Variants in IGFBP6 observed in about 807,000 individuals in gnomAD.
IGFBP6 encodes the protein insulin-like growth factor-binding protein 6.
IGFBP6 carries 24 observed loss-of-function variants against 24.5 expected under a neutral mutation model. That is an observed-to-expected ratio of 0.98 (90% CI 0.71 to 1.38). The LOEUF is 1.38. Ranked by LOEUF, IGFBP6 falls within the 40% of genes most tolerant of loss-of-function variation. The pLI is 0.00. For synonymous variants in IGFBP6, 147 were observed against 137.4 expected (o/e 1.07, Z -0.49); for missense variants, 331 against 324.8 (o/e 1.02, Z -0.15).
chr12:53,100,461 C>T (rs1937808765), intron 1 of IGFBP6, among the ~76,000 whole-genome samples: 1 of 152,256 alleles, frequency 6.6e-6, no homozygotes, highest in African/African-American at 2.4e-5. Context: ...TGCACCCATC[C>T]TCATTTTCCA....
chr12:53,098,102 A>G (rs954583319), intron 1 of IGFBP6, 51 bp downstream of exon 1: 51 of 1,390,156 alleles, frequency 3.7e-5, no homozygotes, highest in Non-Finnish European at 4.6e-5. Flanking sequence ...CGCGTCCTCC[A>G]GGCAGGGTCC....
Position 53,102,157 on chromosome 12 carries a change from G to A in IGFBP6, c.713G>A (p.Ser238Asn), listed in dbSNP as rs1389483514. Residue 238 changes from serine to asparagine, a missense_variant, in exon 4 of 4, where the codon AGT (serine) becomes AAT (asparagine). Coordinates refer to ENST00000301464, the MANE Select transcript of IGFBP6 (RefSeq NM_002178.3). The stretch of plus-strand genomic sequence containing the variant: ...GGAAGCTCCTCCTGCCCCACTGGGA[G>A]TAGCGGCTAAAGCTGGGGGATAGAG... ...GNGSSSCPTG[S>N]SG is the part of the protein sequence containing the mutation. 1.2e-6 allele frequency: 2 copies of A among 1,613,840 alleles called. No homozygotes were observed. The highest frequency in any genetic ancestry group is 1.3e-5 in the African/African-American group (1 of 74,918).
At chr12:53,098,341 A>AGTTCCTTGGGGAACTT (rs1216396851) in intron 1 of IGFBP6, among the ~76,000 whole-genome samples, 1 of 152,128 alleles carries the variant, frequency 6.6e-6, no homozygotes, top group Non-Finnish European at 1.5e-5. Context: ...TGGGGGAGGC[A>AGTTCCTTGGGGAACTT]GGGGGAGAAA....
chr12:53,101,984 C>T (rs977878047), intron 3 of IGFBP6, 61 bp from the exon 4 acceptor site: 3 of 1,551,288 alleles, frequency 1.9e-6, no homozygotes, highest in Non-Finnish European at 2.6e-6. Flanking sequence ...CAGATGTCCC[C>T]TCTCATTCTC....
Position 53,100,849 on chromosome 12 carries a change from A to G in IGFBP6, c.472A>G (p.Thr158Ala). The G allele has an allele frequency of 1.2e-6, 2 of 1,614,148 alleles. No individual in the cohort carries two copies. Among genetic ancestry groups the G allele is most frequent in the Non-Finnish European group, 1.7e-6 (2 of 1,180,028 alleles). Residue 158 changes from threonine to alanine, a missense_variant, in exon 2 of 4, where the codon ACT (threonine) becomes GCT (alanine). By Grantham distance (58) the Thr-to-Ala change is moderately conservative. Transcript: ENST00000301464. ...SQPNSAGVQD[T>A]EMGPCRRHLD... is the part of the protein sequence containing the mutation. ...GCCCAATTCTGCGGGTGTCCAAGACACTGAGATGGTGCGTTTGGAGCTGGT... is the reference window on the plus strand; with the variant it reads ...GCCCAATTCTGCGGGTGTCCAAGACGCTGAGATGGTGCGTTTGGAGCTGGT...
chr12:53,101,898 CAAAAAAAAAAAAAA>C (rs57771658), intron 3 of IGFBP6, 133 bp from the exon 4 acceptor site: 6 of 199,418 alleles, frequency 3.0e-5, no homozygotes, highest in Middle Eastern at 1.5e-3. Flanking sequence ...GACTCCATCT[CAAAAAAAAAAAAAA>C]AAAAAAAAAA....
intron 1 of IGFBP6, 110 bp from the exon 2 acceptor site, chr12:53,100,602 G>A: frequency 2.1e-6 from 2 of 971,664 alleles, no homozygotes; most frequent in Non-Finnish European, 3.2e-6. Flanking sequence ...TCATGCAACA[G>A]CGGGGCATAA....
intron 3 of IGFBP6, 131 bp downstream of exon 3, chr12:53,101,291 A>G (rs1231678032): frequency 1.6e-5 from 14 of 897,966 alleles, no homozygotes; most frequent in African/African-American, 3.4e-5. Flanking sequence ...TTAGGAGAAC[A>G]TAGAGAATAT....
At position 53,097,809 on chromosome 12, in the gene IGFBP6, G is replaced by A. The variant is rs559725416; in HGVS notation, c.92G>A (p.Gly31Asp). The A allele has an allele frequency of 6.5e-7, 1 of 1,542,532 alleles. No homozygotes were observed. Among genetic ancestry groups the A allele is most frequent in the South Asian group, 1.2e-5 (1 of 83,828 alleles). ...SPGGALARCPGCGQGVQAGCP... is the reference protein window; with the variant it reads ...SPGGALARCPDCGQGVQAGCP... The stretch of plus-strand genomic sequence containing the variant: ...GGAGGCGCCTTGGCGCGGTGCCCAG[G>A]CTGCGGGCAAGGGGTGCAGGCGGGT... Residue 31 changes from glycine to aspartate, a missense_variant, in exon 1 of 4, where the codon GGC (glycine) becomes GAC (aspartate). Physicochemically the swap from Gly to Asp is moderately conservative, Grantham distance 94. Coordinates refer to ENST00000301464, the MANE Select transcript of IGFBP6 (RefSeq NM_002178.3).
intron 1 of IGFBP6, among the ~76,000 whole-genome samples, chr12:53,098,302 T>C (rs558717128): frequency 2.6e-5 from 4 of 152,304 alleles, no homozygotes; most frequent in Non-Finnish European, 2.9e-5. Context: ...TTATTTTCCC[T>C]TGATGGAGTG....
In IGFBP6 at chr12:53,097,870, G is replaced by C. The variant is rs765013483; in HGVS notation, c.153G>C (p.Gly51=). The C allele has an allele frequency of 8.0e-5, 121 of 1,518,020 alleles. No individual in the cohort carries two copies. Among genetic ancestry groups the C allele is most frequent in the Non-Finnish European group, 9.6e-5 (109 of 1,136,182 alleles). 94.0% of individuals were successfully genotyped at this position (1,518,020 alleles called of 1,614,324 possible). A position where few individuals can be genotyped will look rare whatever the true frequency, so the allele number is the denominator to read the frequency against. Residue 51 remains glycine, a synonymous_variant, in exon 1 of 4, where the codon GGG becomes GGC. Transcript: ENST00000301464. ...PGGCVEEEDG[G]SPAEGCAEAE... ...GCTGCGTGGAGGAGGAGGATGGGGG[G>C]TCGCCAGCCGAGGGCTGCGCGGAAG...
At chr12:53,100,941 G>C in intron 2 of IGFBP6, 84 bp downstream of exon 2, 1 of 1,604,246 alleles carries the variant, frequency 6.2e-7, no homozygotes, top group Non-Finnish European at 8.5e-7. Context: ...GCTTGGAGAC[G>C]TCTCCATTGT....
intron 1 of IGFBP6, among the ~76,000 whole-genome samples, chr12:53,099,751 G>C (rs1565623521): frequency 6.6e-6 from 1 of 151,024 alleles, no homozygotes; most frequent in Non-Finnish European, 1.5e-5. Context: ...TTTTAAATTA[G>C]TTAATTTTTT....
At chr12:53,099,835 TTTAA>T (rs1198294707) in intron 1 of IGFBP6, among the ~76,000 whole-genome samples, 1 of 151,878 alleles carries the variant, frequency 6.6e-6, no homozygotes, top group African/African-American at 2.4e-5. Flanking sequence ...GTTAATTTTT[TTTAA>T]TTAAGTAATT....
At position 53,100,722 on chromosome 12, in the gene IGFBP6, G is replaced by T; in HGVS notation, c.345G>T (p.Glu115Asp). 1 of 1,614,100 alleles carries T rather than the reference G, an allele frequency of 6.2e-7. No individual in the cohort carries two copies. The highest frequency in any genetic ancestry group is 8.5e-7 in the Non-Finnish European group (1 of 1,180,042). The change falls in exon 2 of 4, where the codon GAG (glutamate) becomes GAT (aspartate). Residue 115 changes from glutamate to aspartate, a missense_variant. Coordinates refer to ENST00000301464, the MANE Select transcript of IGFBP6 (RefSeq NM_002178.3). ...CTATTCCTCCTCCAGTTGCAGAGGAGAATCCTAAGGAGAGTAAACCCCAAG... is the reference window on the plus strand; with the variant it reads ...CTATTCCTCCTCCAGTTGCAGAGGATAATCCTAAGGAGAGTAAACCCCAAG... ...LPARAPAVAEENPKESKPQAG... is the reference protein window; with the variant it reads ...LPARAPAVAEDNPKESKPQAG...
chr12:53,099,102 G>C (rs1337741691), intron 1 of IGFBP6: 1 of 286,272 alleles, frequency 3.5e-6, no homozygotes, highest in South Asian at 2.6e-5. Flanking sequence ...TGTCTCCTGG[G>C]TTGTGAGTGG....
intron 1 of IGFBP6, among the ~76,000 whole-genome samples, chr12:53,100,123 G>A (rs1937804263): frequency 6.6e-6 from 1 of 152,232 alleles, no homozygotes; most frequent in Non-Finnish European, 1.5e-5. Context: ...GCCTCCCAAA[G>A]TGCTGGGATG....
Position 53,101,892 on chromosome 12 carries a change from C to T in IGFBP6, c.601-153C>T, listed in dbSNP as rs575208351. 1.6e-3 allele frequency among the ~76,000 whole-genome samples: 194 copies of T among 122,968 alleles called. 1 individual carries two copies. The highest frequency in any genetic ancestry group is 6.2e-3 in the African/African-American group (194 of 31,520). The allele number at this position is 122,968 out of a possible 152,430, so 80.7% of individuals were successfully genotyped here. On this transcript the variant is annotated intron_variant, in intron 3 of 3. Transcript: ENST00000301464. ...CCAGCCAGGGCGACAGAGCGAGACTCCATCTCAAAAAAAAAAAAAAAAAAA... is the reference window on the plus strand; with the variant it reads ...CCAGCCAGGGCGACAGAGCGAGACTTCATCTCAAAAAAAAAAAAAAAAAAA...
chr12:53,098,895 T>C (rs1937784080), intron 1 of IGFBP6: 1 of 153,048 alleles, frequency 6.5e-6, no homozygotes, highest in South Asian at 2.0e-4. Flanking sequence ...GGATGGAGAA[T>C]TCACTTGGAG....
Sources: allele counts gnomAD v4.1 joint callset (sites outside exome capture counted in the v4.1 genomes callset), GRCh38; gene constraint gnomAD v4.1.1; transcripts MANE v1.5; gene names NCBI Gene and HGNC (gene_info 2026-07-23, HGNC 2026-07-21).